Variants in GCNT4 observed in about 807,000 individuals in gnomAD.
GCNT4 encodes beta-1,3-galactosyl-O-glycosyl-glycoprotein beta-1,6-N-acetylglucosaminyltransferase 4.
In GCNT4, 17 loss-of-function variants were observed where a neutral mutation model predicts 31.3. That is an observed-to-expected ratio of 0.54 (90% confidence interval 0.37 to 0.81). The LOEUF is 0.81. Ranked by LOEUF, GCNT4 falls within the 40% of genes least tolerant of loss-of-function variation. The probability of loss-of-function intolerance (pLI) is 0.00; values close to 1 mark genes in which losing one functional copy is unlikely to be tolerated. For synonymous variants in GCNT4, 158 were observed against 190.6 expected (o/e 0.83, Z 1.41); for missense variants, 503 against 525.5 (o/e 0.96, Z 0.42).
intron 2 of GCNT4, among the ~76,000 whole-genome samples, chr5:75,049,474 G>A (rs1743518060): frequency 1.3e-5 from 2 of 152,134 alleles, no homozygotes; most frequent in African/African-American, 2.4e-5. Context: ...CTATTAGGAT[G>A]GAAACGGCTG....
intron 2 of GCNT4, among the ~76,000 whole-genome samples, chr5:75,051,660 T>C (rs1743571363): frequency 6.6e-6 from 1 of 152,226 alleles, no homozygotes; most frequent in Non-Finnish European, 1.5e-5. Context: ...ATTTATGGCC[T>C]GCTTATCTTG....
chr5:75,029,865 T>C lies in GCNT4; in HGVS notation c.173A>G (p.Asn58Ser), dbSNP rs777632983. The change falls in exon 4 of 4, where the codon AAC becomes AGC. Residue 58 changes from asparagine (N) to serine (S), a missense_variant. Coordinates refer to ENST00000652361, the MANE Select transcript of GCNT4 (RefSeq NM_001366737.1). The stretch of plus-strand genomic sequence containing the variant: ...TTCATCCTTAACATGAGTGTATCTG[T>C]TTCTTACAAAAGGCGAGGTACTTAG... ...YSLSTSPFVR[N>S]RYTHVKDEVR... The C allele has an allele frequency of 1.5e-5, 25 of 1,614,054 alleles. No homozygotes were observed. The highest frequency in any genetic ancestry group is 2.7e-5 in the African/African-American group (2 of 74,944).
chr5:75,023,798 C>T (rs965701826), downstream of GCNT4: 13 of 152,152 alleles, frequency 8.5e-5, 1 homozygote, highest in African/African-American at 3.1e-4. Flanking sequence ...AAGAACAAAA[C>T]AAGAAACAAG....
Position 75,029,050 on chromosome 5 carries a change from C to T in GCNT4, c.988G>A (p.Asp330Asn), listed in dbSNP as rs1177881378. Residue 330 changes from aspartate to asparagine, a missense_variant, in exon 4 of 4, where the codon GAC becomes AAC. Transcript: ENST00000652361. Reference protein sequence around the residue: ...IVQDFFAWSKDTYSPDEHFWA... With the variant: ...IVQDFFAWSKNTYSPDEHFWA... ...AAGTGCTCATCAGGAGAGTATGTGT[C>T]TTTAGACCAGGCAAAAAAGTCTTGA... The T allele has an allele frequency of 4.3e-6, 7 of 1,614,112 alleles. No individual in the cohort carries two copies. Among genetic ancestry groups the T allele is most frequent in the Non-Finnish European group, 5.9e-6 (7 of 1,180,004 alleles).
chr5:75,029,781 T>C lies in GCNT4; in HGVS notation c.257A>G (p.Lys86Arg), dbSNP rs1337884701. Residue 86 changes from lysine to arginine, a missense_variant, in exon 4 of 4, where the codon AAG becomes AGG. Lys to Arg is a conservative substitution (Grantham distance 26). Coordinates refer to ENST00000652361, the MANE Select transcript of GCNT4 (RefSeq NM_001366737.1). The stretch of plus-strand genomic sequence containing the variant: ...GTCCCTTCTTCTTATTTCCAGACTC[T>C]TTCCAATTTCCAAAGGCTCCTGTTC... ...IYEQEPLEIG[K>R]SLEIRRRDII... 6.2e-7 allele frequency: 1 copy of C among 1,614,186 alleles called. No individual in the cohort carries two copies. The highest frequency in any genetic ancestry group is 1.7e-5 in the Admixed American group (1 of 60,030).
chr5:75,049,631 T>A (rs1489589730), intron 2 of GCNT4, among the ~76,000 whole-genome samples: 1 of 152,236 alleles, frequency 6.6e-6, no homozygotes, highest in African/African-American at 2.4e-5. Context: ...ATCTCTAAAT[T>A]GCTTGAGAAA....
intron 2 of GCNT4, among the ~76,000 whole-genome samples, chr5:75,051,753 T>C (rs1270300821): frequency 6.6e-6 from 1 of 152,326 alleles, no homozygotes; most frequent in African/African-American, 2.4e-5. Context: ...GTGCAGGAGA[T>C]GTGACATTTA....
chr5:75,040,796 T>A (rs986442878), intron 3 of GCNT4, among the ~76,000 whole-genome samples: 1 of 152,256 alleles, frequency 6.6e-6, no homozygotes, highest in Non-Finnish European at 1.5e-5. Flanking sequence ...CATTCTGACA[T>A]TCTAATCATT....
chr5:75,048,541 T>C (rs895364700), intron 2 of GCNT4, among the ~76,000 whole-genome samples: 1 of 152,066 alleles, frequency 6.6e-6, no homozygotes, highest in Admixed American at 6.5e-5. Flanking sequence ...GAAAGCAAAA[T>C]GCAGCAAAAC....
At position 75,026,110 on chromosome 5, in the gene GCNT4, G is replaced by A. The variant is rs915703690; in HGVS notation, c.*2566C>T. ...GTCCAGAGAAATGTGTGAATGTCTCGAAGGCACTTTCTCCGCTTCATCCTT... is the reference window on the plus strand; with the variant it reads ...GTCCAGAGAAATGTGTGAATGTCTCAAAGGCACTTTCTCCGCTTCATCCTT... On this transcript the variant is annotated 3_prime_UTR_variant, in exon 4 of 4. Transcript: ENST00000652361. 2.6e-5 allele frequency: 4 copies of A among 152,116 alleles called. No individual in the cohort carries two copies. Among genetic ancestry groups the A allele is most frequent in the Non-Finnish European group, 4.4e-5 (3 of 68,022 alleles). 9.4% of individuals were successfully genotyped at this position (152,116 alleles called of 1,614,324 possible).
At chr5:75,039,580 T>C (rs954807573) in intron 3 of GCNT4, among the ~76,000 whole-genome samples, 5 of 152,166 alleles carry the variant, frequency 3.3e-5, no homozygotes, top group Admixed American at 1.3e-4. Context: ...ATGGTCCAAT[T>C]TTCAACTATG....
In GCNT4 at chr5:75,028,086, T is replaced by C. The variant is rs1318246754; in HGVS notation, c.*590A>G. On this transcript the variant is annotated 3_prime_UTR_variant, in exon 4 of 4. Coordinates refer to ENST00000652361, the MANE Select transcript of GCNT4 (RefSeq NM_001366737.1). ...CCTCAACCCTGAATTGACCAAGTAA[T>C]GCACCAAAAGGCAGATTATGCTTTG... is the stretch of plus-strand genomic sequence containing the variant. 2.0e-5 allele frequency: 3 copies of C among 152,830 alleles called. No individual in the cohort carries two copies. The highest frequency in any genetic ancestry group is 7.3e-5 in the African/African-American group (3 of 41,340). The allele number at this position is 152,830 out of a possible 1,614,324, so 9.5% of individuals were successfully genotyped here.
upstream of GCNT4, among the ~76,000 whole-genome samples, chr5:75,053,220 G>A (rs1247161097): frequency 1.6e-5 from 1 of 60,906 alleles, no homozygotes; most frequent in Non-Finnish European, 2.6e-5. Context: ...GGCGCGCGCC[G>A]GGTCGCCCAC....
chr5:75,024,229 A>T (rs1335356204), downstream of GCNT4, among the ~76,000 whole-genome samples: 1 of 152,190 alleles, frequency 6.6e-6, no homozygotes, highest in African/African-American at 2.4e-5. Context: ...CTTTAATATG[A>T]TGCTGTGTAT....
rs773544073 is a variant in GCNT4 at position 75,029,932 on chromosome 5, G to A, written c.106C>T (p.Arg36Ter). Residue 36 changes from arginine to a stop codon, truncating the protein, a stop_gained, in exon 4 of 4, where the codon CGA becomes TGA. Coordinates refer to ENST00000652361, the MANE Select transcript of GCNT4 (RefSeq NM_001366737.1). LOFTEE classifies it high-confidence loss of function. ...TAAATGTCTTTTTGCGGAAAGAGTC[G>A]TCTCACATTTAGAAGCTTTAACAAA... ...LSLLKLLNVR[R>*]LFPQKDIYLV... 40 of 1,613,966 alleles carry A rather than the reference G, an allele frequency of 2.5e-5. 1 individual carries two copies. The highest frequency in any genetic ancestry group is 3.3e-5 in the South Asian group (3 of 91,080).
chr5:75,020,580 C>T (rs1742870196), downstream of GCNT4, among the ~76,000 whole-genome samples: 2 of 152,076 alleles, frequency 1.3e-5, no homozygotes, highest in Admixed American at 6.6e-5. Flanking sequence ...TACAGCCCCC[C>T]GAGTGTTCTT....
At chr5:75,053,444 G>A (rs1743635849), upstream of GCNT4, among the ~76,000 whole-genome samples, 1 of 152,078 alleles carries the variant, frequency 6.6e-6, no homozygotes, top group Non-Finnish European at 1.5e-5. Context: ...CGGCGGAGAC[G>A]AGGCTGAGAC....
Position 75,028,617 on chromosome 5 carries a change from T to TCAATTC in GCNT4, c.*53_*58dup, listed in dbSNP as rs1742996336. On this transcript the variant is annotated 3_prime_UTR_variant, in exon 4 of 4. Coordinates refer to ENST00000652361, the MANE Select transcript of GCNT4 (RefSeq NM_001366737.1). Reference sequence around the variant, plus strand: ...AACAGTATTGGGCATAGTATGGTATTCAATTCCACACTGACTCCATTTATC... The same window carrying TCAATTC: ...AACAGTATTGGGCATAGTATGGTATTCAATTCCAATTCCACACTGACTCCATTTATC... 6.7e-7 allele frequency: 1 copy of TCAATTC among 1,482,414 alleles called. No homozygotes were observed. Among genetic ancestry groups the TCAATTC allele is most frequent in the African/African-American group, 1.4e-5 (1 of 71,288 alleles). The allele number at this position is 1,482,414 out of a possible 1,614,324, so 91.8% of individuals were successfully genotyped here.
chr5:75,040,167 A>G (rs1306411384), intron 3 of GCNT4, among the ~76,000 whole-genome samples: 2 of 149,550 alleles, frequency 1.3e-5, no homozygotes, highest in South Asian at 4.2e-4. Flanking sequence ...GCTTTTCCTC[A>G]GGTCCTCTCT....
Sources: gnomAD v4.1 joint callset for allele counts (sites outside exome capture counted in the v4.1 genomes callset) on GRCh38, gnomAD v4.1.1 for gene constraint, MANE v1.5 for transcripts, NCBI Gene and HGNC (gene_info 2026-07-23, HGNC 2026-07-21) for gene names.